RNF217: variants seen among roughly 807,000 people sequenced by gnomAD.
RNF217 encodes ring finger protein 217, also known as E3 ubiquitin-protein ligase RNF217.
In RNF217, 31 loss-of-function variants were observed where a neutral mutation model predicts 57.8. That is an observed-to-expected ratio of 0.54 (90% confidence interval 0.40 to 0.72). The LOEUF is 0.72. Among genes scored for constraint, RNF217 ranks in the 30% least tolerant of loss-of-function variants. RNF217 has a pLI of 0.00. For missense variants in RNF217, 696 were observed against 708.3 expected (o/e 0.98, Z 0.20); for synonymous variants, 313 against 294.0 (o/e 1.06, Z -0.66).
chr6:124,983,605 G>A (rs910438261), intron 1 of RNF217: 2 of 509,602 alleles, frequency 3.9e-6, no homozygotes, highest in South Asian at 8.5e-5. Flanking sequence ...GTGTGGGGGA[G>A]ATACCTAACG....
At position 125,009,753 on chromosome 6, in the gene RNF217, C is replaced by CA. The variant is rs1785349173; in HGVS notation, c.883-35457dup. 1.3e-5 allele frequency among the ~76,000 whole-genome samples: 2 copies of CA among 152,118 alleles called. 1 individual carries two copies. Among genetic ancestry groups the CA allele is most frequent in the South Asian group, 4.1e-4 (2 of 4,830 alleles). ...TCAGAGATAAACTGCTGACAAGCTG[C>CA]ATTCCATCTCCGTGCACATTCGTTG... On this transcript the variant is annotated intron_variant, in intron 1 of 5. Coordinates refer to ENST00000521654, the MANE Select transcript of RNF217 (RefSeq NM_001286398.3).
intron 1 of RNF217, among the ~76,000 whole-genome samples, chr6:125,025,284 A>G (rs1786030037): frequency 6.6e-6 from 1 of 152,198 alleles, no homozygotes. Context: ...TGAACACAAG[A>G]ACATTAAATA....
chr6:124,979,146 A>C (rs754738624), intron 1 of RNF217, among the ~76,000 whole-genome samples: 3 of 152,200 alleles, frequency 2.0e-5, no homozygotes, highest in Non-Finnish European at 4.4e-5. Context: ...CTTGGCTTGA[A>C]GGTCGGGTTT....
rs1242796362 is a variant in RNF217, at chr6:125,092,108, G to C, written c.*9171G>C. 1.3e-5 allele frequency: 2 copies of C among 151,858 alleles called. No homozygotes were observed. The highest frequency in any genetic ancestry group is 2.1e-4 in the South Asian group (1 of 4,824). The allele number at this position is 151,858 out of a possible 1,614,324, so 9.4% of individuals were successfully genotyped here. On this transcript the variant is annotated 3_prime_UTR_variant, in exon 6 of 6. Transcript: ENST00000521654. The stretch of plus-strand genomic sequence containing the variant: ...AAAAGAATCTTCCTGCCAACAGGTA[G>C]GTCCTGCTGGACAGGACCTGAAAAT...
At position 125,013,116 on chromosome 6, in the gene RNF217, A is replaced by G. The variant is rs1257868531; in HGVS notation, c.883-32095A>G. On this transcript the variant is annotated intron_variant, in intron 1 of 5. Coordinates refer to ENST00000521654, the MANE Select transcript of RNF217 (RefSeq NM_001286398.3). ...TTTCATTGTTTCAGTATGAAACAAT[A>G]TATTCACCTATTCATGTATTATAAA... is the stretch of plus-strand genomic sequence containing the variant. Among the ~76,000 whole-genome samples, 6 of 152,148 alleles carry G rather than the reference A, an allele frequency of 3.9e-5. No individual in the cohort carries two copies. The East Asian group carries it at 7.7e-4, about 20-fold the overall frequency.
chr6:125,009,945 G>T (rs1284229864), intron 1 of RNF217, among the ~76,000 whole-genome samples: 1 of 148,894 alleles, frequency 6.7e-6, no homozygotes, highest in Non-Finnish European at 1.5e-5. Flanking sequence ...GTCGTTTTCT[G>T]TTCCCTTTTG....
At chr6:125,043,884 T>C (rs1786984628) in intron 1 of RNF217, among the ~76,000 whole-genome samples, 1 of 152,014 alleles carries the variant, frequency 6.6e-6, no homozygotes, top group African/African-American at 2.4e-5. Flanking sequence ...AGGTCAATAC[T>C]AATAAGGAGA....
At chr6:124,972,366 C>T (rs1783795574) in intron 1 of RNF217, among the ~76,000 whole-genome samples, 1 of 152,160 alleles carries the variant, frequency 6.6e-6, no homozygotes, top group Admixed American at 6.5e-5. Flanking sequence ...CTACTTGGTC[C>T]CAGTGATGCT....
chr6:125,001,375 G>T (rs1784975185), intron 1 of RNF217, among the ~76,000 whole-genome samples: 1 of 152,128 alleles, frequency 6.6e-6, no homozygotes, highest in South Asian at 2.1e-4. Flanking sequence ...CTCTAAATTT[G>T]TTGGACTTAA....
At chr6:125,028,072 T>C (rs2114452257) in intron 1 of RNF217, among the ~76,000 whole-genome samples, 1 of 152,324 alleles carries the variant, frequency 6.6e-6, no homozygotes, top group Admixed American at 6.5e-5. Context: ...TCCCATTCTG[T>C]GGGTTGTCTC....
chr6:124,974,296 G>A (rs1382036477), intron 1 of RNF217, among the ~76,000 whole-genome samples: 2 of 152,126 alleles, frequency 1.3e-5, no homozygotes, highest in African/African-American at 4.8e-5. Flanking sequence ...TTTCGAGCCT[G>A]AATTTTAATT....
chr6:124,982,447 A>G (rs1178289882), intron 1 of RNF217, among the ~76,000 whole-genome samples: 1 of 152,090 alleles, frequency 6.6e-6, no homozygotes, highest in African/African-American at 2.4e-5. Flanking sequence ...CACTTTCCAG[A>G]TACTTGGATA....
intron 2 of RNF217, among the ~76,000 whole-genome samples, chr6:125,054,049 T>C (rs1042704482): frequency 6.6e-6 from 1 of 152,142 alleles, no homozygotes; most frequent in Non-Finnish European, 1.5e-5. Context: ...ACCTAAACTG[T>C]GTGTAAAATC....
intron 4 of RNF217, among the ~76,000 whole-genome samples, chr6:125,081,133 A>G (rs1002770205): frequency 1.3e-5 from 2 of 152,130 alleles, no homozygotes; most frequent in African/African-American, 4.8e-5. Flanking sequence ...CTTAAGGAAA[A>G]GCACAAAGAT....
Position 125,083,802 on chromosome 6 carries a change from AGGAGT to A in RNF217, c.*866_*870del, listed in dbSNP as rs1202860646. ...CAGAAATTTGTGCAACGTCACCCCAAGGAGTATTAAGCTTTGTAAACTGACAAAAC... is the reference window on the plus strand; with the variant it reads ...CAGAAATTTGTGCAACGTCACCCCAAATTAAGCTTTGTAAACTGACAAAAC... On this transcript the variant is annotated 3_prime_UTR_variant, in exon 6 of 6. Transcript: ENST00000521654. 6.6e-6 allele frequency: 1 copy of A among 152,108 alleles called. No homozygotes were observed. 9.4% of individuals were successfully genotyped at this position (152,108 alleles called of 1,614,324 possible).
chr6:124,988,250 G>A (rs568945858), intron 1 of RNF217, among the ~76,000 whole-genome samples: 1 of 152,218 alleles, frequency 6.6e-6, no homozygotes, highest in South Asian at 2.1e-4. Context: ...TGTCTTCCAT[G>A]ATACCAGTCC....
chr6:124,965,133 G>C (rs1299704243), intron 1 of RNF217, among the ~76,000 whole-genome samples: 1 of 152,160 alleles, frequency 6.6e-6, no homozygotes, highest in African/African-American at 2.4e-5. Flanking sequence ...GAGGGACATA[G>C]TCAAGTGGTC....
At chr6:125,038,150 A>G (rs963435965) in intron 1 of RNF217, among the ~76,000 whole-genome samples, 1 of 152,176 alleles carries the variant, frequency 6.6e-6, no homozygotes, top group African/African-American at 2.4e-5. Flanking sequence ...CTTTAGAGTT[A>G]AGCAATTTTT....
intron 3 of RNF217, among the ~76,000 whole-genome samples, chr6:125,067,388 G>C (rs1235284712): frequency 3.3e-5 from 5 of 152,168 alleles, no homozygotes. Context: ...ATTTTATGGT[G>C]CTAGCTGTAG....
Sources: gnomAD v4.1 joint callset for allele counts (sites outside exome capture counted in the v4.1 genomes callset) on GRCh38, gnomAD v4.1.1 for gene constraint, MANE v1.5 for transcripts, NCBI Gene and HGNC (gene_info 2026-07-23, HGNC 2026-07-21) for gene names.